PUS10: variants seen among roughly 807,000 people sequenced by gnomAD.
The protein encoded by PUS10 is pseudouridine synthase 10.
Under a neutral mutation model 75.0 loss-of-function variants are expected in PUS10, and 59 were observed. The observed-to-expected ratio is 0.79, with a 90% CI of 0.64 to 0.98. The LOEUF (loss-of-function observed/expected upper bound fraction) is 0.98, where lower values mean the gene tolerates loss of function less well. Among genes scored for constraint, PUS10 ranks in the 50% least tolerant of loss-of-function variants. The pLI is 0.00. For missense variants in PUS10, 650 were observed against 614.4 expected (o/e 1.06, Z -0.61); for synonymous variants, 219 against 211.6 (o/e 1.03, Z -0.30).
chr2:61,004,628 C>CA (rs70959883), intron 4 of PUS10, among the ~76,000 whole-genome samples: 1,069 of 66,544 alleles, frequency 0.016, 6 homozygotes, highest in East Asian at 0.026. Context: ...GACTCCGTCT[C>CA]AAAAAAAAAA....
chr2:60,976,156 G>A (rs1677022987), intron 4 of PUS10, among the ~76,000 whole-genome samples: 1 of 152,180 alleles, frequency 6.6e-6, no homozygotes, highest in African/African-American at 2.4e-5. Context: ...GATTTAATGT[G>A]TTTGTAAAGA....
rs1268261205 is a variant in PUS10, at chr2:61,012,929, C to T, written c.-15-1024G>A. On this transcript the variant is annotated intron_variant, in intron 1 of 17. Transcript: ENST00000316752. Reference sequence around the variant, plus strand: ...GCCTATTACTCAAATTTTCCCTCCACCTTTCTGAGTAAAAACTGACCATGA... The same window carrying T: ...GCCTATTACTCAAATTTTCCCTCCATCTTTCTGAGTAAAAACTGACCATGA... Among the ~76,000 whole-genome samples the T allele has an allele frequency of 2.1e-5, 3 of 142,264 alleles. No individual in the cohort carries two copies. In the Admixed American group the frequency reaches 2.1e-4, roughly 10 times the overall value. The allele number at this position is 142,264 out of a possible 152,430, so 93.3% of individuals were successfully genotyped here. A position where few individuals can be genotyped will look rare whatever the true frequency, so the allele number is the denominator to read the frequency against.
intron 4 of PUS10, among the ~76,000 whole-genome samples, chr2:60,982,030 AG>A (rs1408070408): frequency 6.6e-6 from 1 of 152,088 alleles, no homozygotes; most frequent in Non-Finnish European, 1.5e-5. Flanking sequence ...ACTCAAGAAG[AG>A]GGAAAAAACA....
intron 4 of PUS10, 102 bp downstream of exon 4, chr2:61,006,454 TG>T: frequency 1.2e-6 from 1 of 845,752 alleles, no homozygotes; most frequent in Non-Finnish European, 1.9e-6. Context: ...GTAGACAAAA[TG>T]TAAAAAATAT....
Position 60,964,933 on chromosome 2 carries a change from T to G in PUS10, c.723+125A>C, listed in dbSNP as rs2104365644. 8 of 855,660 alleles carry G rather than the reference T, an allele frequency of 9.3e-6. No homozygotes were observed. The South Asian group carries it at 1.3e-4, about 14-fold the overall frequency. 53.0% of individuals were successfully genotyped at this position (855,660 alleles called of 1,614,324 possible). ...AAATTAATGTAGCAAATGGAAATAT[T>G]TAAAAGCTGATTCTTAGTATAATAG... On this transcript the variant is annotated intron_variant, in intron 8 of 17. Coordinates refer to ENST00000316752, the MANE Select transcript of PUS10 (RefSeq NM_144709.4).
Position 60,953,918 on chromosome 2 carries a change from T to C in PUS10, c.1190+15A>G. 1.2e-6 allele frequency: 2 copies of C among 1,610,664 alleles called. No individual in the cohort carries two copies. The highest frequency in any genetic ancestry group is 2.2e-5 in the East Asian group (1 of 44,870). ...ACGTCCCTTTTGAAATCATCTCCAA[T>C]GAGCCTACTCTTACCTTGTGACAAG... On this transcript the variant is annotated intron_variant, in intron 14 of 17. Coordinates refer to ENST00000316752, the MANE Select transcript of PUS10 (RefSeq NM_144709.4).
At chr2:61,012,834 C>CAAAAAAAAAA (rs70959885) in intron 1 of PUS10, among the ~76,000 whole-genome samples, 3 of 30,168 alleles carry the variant, frequency 9.9e-5, no homozygotes, top group East Asian at 1.2e-3. Flanking sequence ...AACTCCGTCT[C>CAAAAAAAAAA]AAAAAAAAAA....
chr2:61,009,136 G>T, intron 2 of PUS10, 121 bp from the exon 3 acceptor site: 1 of 845,928 alleles, frequency 1.2e-6, no homozygotes, highest in Non-Finnish European at 1.8e-6. Context: ...TTACAATGTT[G>T]ACATATCAAT....
intron 4 of PUS10, among the ~76,000 whole-genome samples, chr2:61,004,007 T>G (rs1012497563): frequency 6.6e-6 from 1 of 152,250 alleles, no homozygotes; most frequent in African/African-American, 2.4e-5. Flanking sequence ...TGGACTCAAT[T>G]ATATATTCTG....
At chr2:60,996,636 A>AG (rs1180626241) in intron 4 of PUS10, among the ~76,000 whole-genome samples, 4 of 151,708 alleles carry the variant, frequency 2.6e-5, no homozygotes, top group Non-Finnish European at 5.9e-5. Context: ...AGCATGAAGC[A>AG]GGGAGGCATA....
intron 17 of PUS10, 81 bp downstream of exon 17, chr2:60,944,928 A>C: frequency 1.0e-6 from 1 of 964,620 alleles, no homozygotes; most frequent in Non-Finnish European, 1.7e-6. Context: ...GGTGGGTGAT[A>C]CTAAAATGGC....
At chr2:60,960,276 C>G in intron 11 of PUS10, 116 bp downstream of exon 11, 1 of 767,352 alleles carries the variant, frequency 1.3e-6, no homozygotes, top group South Asian at 2.8e-5. Flanking sequence ...CCCAGGAAGT[C>G]AAGGCTGCCA....
chr2:61,006,994 T>C (rs763450193), intron 3 of PUS10, among the ~76,000 whole-genome samples: 3 of 152,164 alleles, frequency 2.0e-5, no homozygotes, highest in Non-Finnish European at 4.4e-5. Flanking sequence ...CATTCAATCA[T>C]TTACCTTCTA....
intron 6 of PUS10, 192 bp downstream of exon 6, chr2:60,967,310 A>T (rs57436505): frequency 0.028 from 12,563 of 442,100 alleles, 1,499 homozygotes; most frequent in African/African-American, 0.24. Context: ...AAAGAAGTCT[A>T]AGGGAAAAAG....
chr2:60,999,967 A>C (rs981424931), intron 4 of PUS10, among the ~76,000 whole-genome samples: 6 of 152,178 alleles, frequency 3.9e-5, no homozygotes, highest in African/African-American at 1.4e-4. Context: ...GATGTGTGTA[A>C]GTTATATGCA....
At chr2:60,987,823 G>A (rs1432346962) in intron 4 of PUS10, among the ~76,000 whole-genome samples, 1 of 151,952 alleles carries the variant, frequency 6.6e-6, no homozygotes, top group Non-Finnish European at 1.5e-5. Flanking sequence ...TGAGGTAGGA[G>A]AAAAGCTTGA....
intron 3 of PUS10, among the ~76,000 whole-genome samples, chr2:61,007,659 T>C (rs1558993464): frequency 6.7e-6 from 1 of 149,430 alleles, no homozygotes; most frequent in Non-Finnish European, 1.5e-5. Context: ...ATCCCAGCTA[T>C]TCAGGAGGCT....
intron 4 of PUS10, among the ~76,000 whole-genome samples, chr2:61,003,336 C>T (rs1678975585): frequency 6.6e-6 from 1 of 151,734 alleles, no homozygotes; most frequent in Non-Finnish European, 1.5e-5. Flanking sequence ...GTGGCATATG[C>T]CTGTAATCCC....
At chr2:60,979,214 G>T (rs1444476091) in intron 4 of PUS10, among the ~76,000 whole-genome samples, 1 of 151,970 alleles carries the variant, frequency 6.6e-6, no homozygotes, top group Non-Finnish European at 1.5e-5. Context: ...ATAGCCATTT[G>T]GAAACTGGGC....
Sources: allele counts gnomAD v4.1 joint callset (sites outside exome capture counted in the v4.1 genomes callset), GRCh38; gene constraint gnomAD v4.1.1; transcripts MANE v1.5; gene names NCBI Gene and HGNC (gene_info 2026-07-23, HGNC 2026-07-21).